Variants in GOLGA4 observed in about 807,000 individuals in gnomAD.
GOLGA4 encodes golgin subfamily A member 4.
In GOLGA4, 169 loss-of-function variants were observed where a neutral mutation model predicts 265.9. The ratio of observed to expected loss-of-function variants is 0.64; its 90% CI spans 0.56 to 0.72. GOLGA4 has a LOEUF of 0.72. Ranked by LOEUF, GOLGA4 falls within the 30% of genes least tolerant of loss-of-function variation. GOLGA4 has a pLI of 0.00. For missense variants in GOLGA4, 2,482 were observed against 2,483.4 expected, an observed-to-expected ratio of 1.00 and a Z score of 0.01; for synonymous variants, 923 against 855.8, an observed-to-expected ratio of 1.08 and a Z score of -1.37.
Position 37,324,545 on chromosome 3 carries a change from G to A in GOLGA4, c.2659G>A (p.Val887Ile), listed in dbSNP as rs1169990161. ...MEQKVKSLTQ[V>I]YESKLEDGNK... ...GCAAAAAGTAAAATCTTTAACCCAA[G>A]TCTATGAGTCCAAACTTGAAGATGG... is the stretch of plus-strand genomic sequence containing the variant. The change falls in exon 14 of 24, where the codon GTC becomes ATC. Residue 887 changes from valine (V) to isoleucine (I), a missense_variant. Coordinates refer to ENST00000361924, the MANE Select transcript of GOLGA4 (RefSeq NM_002078.5). The A allele has an allele frequency of 1.9e-6, 3 of 1,613,754 alleles. No individual in the cohort carries two copies. Among genetic ancestry groups the A allele is most frequent in the East Asian group, 4.5e-5 (2 of 44,890 alleles).
chr3:37,309,528 C>T (rs2096917359), intron 10 of GOLGA4, among the ~76,000 whole-genome samples: 1 of 152,254 alleles, frequency 6.6e-6, no homozygotes, highest in African/African-American at 2.4e-5. Context: ...GCACTCCAGC[C>T]TGGCTGACAG....
At chr3:37,356,520 A>G (rs868488510) in intron 22 of GOLGA4, among the ~76,000 whole-genome samples, 3 of 152,182 alleles carry the variant, frequency 2.0e-5, no homozygotes, top group Non-Finnish European at 1.5e-5. Context: ...CCTGAAAAGC[A>G]GTGCTTTAGT....
intron 5 of GOLGA4, among the ~76,000 whole-genome samples, chr3:37,290,934 A>G (rs1163295827): frequency 2.0e-5 from 3 of 152,172 alleles, no homozygotes; most frequent in Admixed American, 2.0e-4. Flanking sequence ...TTCTACCCAA[A>G]AGATTTTTCT....
chr3:37,302,117 G>A lies in GOLGA4; in HGVS notation c.1087-68G>A, dbSNP rs2096894606. 5 of 1,381,956 alleles carry A rather than the reference G, an allele frequency of 3.6e-6. No individual in the cohort carries two copies. The East Asian group carries it at 9.5e-5, about 26-fold the overall frequency. 85.6% of individuals were successfully genotyped at this position (1,381,956 alleles called of 1,614,324 possible). ...GGCCTTTTTCTGCCTTTTAAATTAA[G>A]TTTTATCTGTGCTGTTGATGATGCA... is the stretch of plus-strand genomic sequence containing the variant. On this transcript the variant is annotated intron_variant, in intron 9 of 23. Coordinates refer to ENST00000361924, the MANE Select transcript of GOLGA4 (RefSeq NM_002078.5).
At chr3:37,268,477 A>C (rs1400276496) in intron 2 of GOLGA4, among the ~76,000 whole-genome samples, 2 of 151,998 alleles carry the variant, frequency 1.3e-5, no homozygotes, top group African/African-American at 4.8e-5. Context: ...AGGTTCTCCT[A>C]GGGCCACTTC....
intron 4 of GOLGA4, among the ~76,000 whole-genome samples, chr3:37,288,103 ATT>A (rs1203747752): frequency 0.016 from 1,885 of 118,484 alleles, 12 homozygotes; most frequent in South Asian, 0.047. Context: ...TAGCTTCTTG[ATT>A]TTTTTTTTTT....
At chr3:37,333,792 T>C (rs772665929) in intron 16 of GOLGA4, among the ~76,000 whole-genome samples, 9 of 152,204 alleles carry the variant, frequency 5.9e-5, no homozygotes, top group South Asian at 2.1e-4. Flanking sequence ...GCTGTACTTA[T>C]GTTGAGAAAA....
At chr3:37,339,888 T>C (rs140613183) in intron 19 of GOLGA4, among the ~76,000 whole-genome samples, 140 of 151,996 alleles carry the variant, frequency 9.2e-4, no homozygotes, top group African/African-American at 3.3e-3. Context: ...TAGCAAAGTG[T>C]AATTTATGTA....
At position 37,324,690 on chromosome 3, in the gene GOLGA4, A is replaced by C; in HGVS notation, c.2804A>C (p.Glu935Ala). Residue 935 changes from glutamate (E) to alanine (A), a missense_variant, in exon 14 of 24, where the codon GAG (glutamate) becomes GCG (alanine). Transcript: ENST00000361924. ...CTCACACAGAAATTGTCAGCCAAGG[A>C]GGACAGTATTCATATTTTGAATGAG... ...EILTQKLSAK[E>A]DSIHILNEEY... The C allele has an allele frequency of 6.2e-7, 1 of 1,609,970 alleles. No homozygotes were observed. Among genetic ancestry groups the C allele is most frequent in the Non-Finnish European group, 8.5e-7 (1 of 1,178,718 alleles).
At chr3:37,251,586 T>A in intron 2 of GOLGA4, 102 bp downstream of exon 2, 2 of 690,488 alleles carry the variant, frequency 2.9e-6, no homozygotes, top group Non-Finnish European at 5.0e-6. Context: ...GTCAGCTATT[T>A]AATTCCTAGG....
chr3:37,364,936 C>T (rs1018082497), intron 23 of GOLGA4, among the ~76,000 whole-genome samples: 1 of 151,566 alleles, frequency 6.6e-6, no homozygotes, highest in African/African-American at 2.4e-5. Context: ...GTGTCACTGT[C>T]GCCAAGCCTG....
intron 18 of GOLGA4, 27 bp downstream of exon 18, chr3:37,337,190 TTTC>T: frequency 8.2e-7 from 1 of 1,212,948 alleles, no homozygotes; most frequent in Non-Finnish European, 1.2e-6. Flanking sequence ...TTTTTTTTTT[TTTC>T]TTTTTTTTCT....
At chr3:37,312,273 G>C (rs906537100) in intron 10 of GOLGA4, among the ~76,000 whole-genome samples, 2 of 152,200 alleles carry the variant, frequency 1.3e-5, no homozygotes, top group Non-Finnish European at 2.9e-5. Flanking sequence ...TAATTAGGCA[G>C]TAAGCACTTT....
chr3:37,366,034 T>C (rs1696726008), intron 23 of GOLGA4, 46 bp from the exon 24 acceptor site: 4 of 1,490,028 alleles, frequency 2.7e-6, no homozygotes, highest in Non-Finnish European at 3.6e-6. Context: ...ATGTTTTGGA[T>C]TTTTTTGCCC....
chr3:37,246,040 C>A lies in GOLGA4; in HGVS notation c.72+2418C>A, dbSNP rs1269346488. 2.4e-4 allele frequency among the ~76,000 whole-genome samples: 36 copies of A among 152,078 alleles called. 1 individual carries two copies. The highest frequency in any genetic ancestry group is 2.3e-3 in the Admixed American group (35 of 15,276). Reference sequence around the variant, plus strand: ...CTTGAACTCAGTAGTTCAAGACCAGCCTGGCCAAGATGGCAAAATCCCATT... The same window carrying A: ...CTTGAACTCAGTAGTTCAAGACCAGACTGGCCAAGATGGCAAAATCCCATT... On this transcript the variant is annotated intron_variant, in intron 1 of 23. Transcript: ENST00000361924.
Position 37,289,249 on chromosome 3 carries a change from G to A in GOLGA4, c.540G>A (p.Gln180=). 6.3e-7 allele frequency: 1 copy of A among 1,594,626 alleles called. No homozygotes were observed. The highest frequency in any genetic ancestry group is 1.7e-4 in the Middle Eastern group (1 of 6,024). ...CTCAATTAAAGGGTATATTAAGTCA[G>A]AGTCAGGATAAATCACTTCGGAGAA... ...EKKKLQGILS[Q]SQDKSLRRIA... The change falls in exon 5 of 24, where the codon CAG becomes CAA. Residue 180 remains glutamine, a synonymous_variant. Transcript: ENST00000361924.
intron 20 of GOLGA4, among the ~76,000 whole-genome samples, chr3:37,342,811 GT>G (rs2097041197): frequency 6.6e-6 from 1 of 152,194 alleles, no homozygotes; most frequent in African/African-American, 2.4e-5. Context: ...AAGCCAAAAT[GT>G]TTGCTATATT....
chr3:37,324,171 A>T lies in GOLGA4; in HGVS notation c.2285A>T (p.Glu762Val). Reference protein sequence around the residue: ...KALKDQINQLELLLKERDKHL... With the variant: ...KALKDQINQLVLLLKERDKHL... Reference sequence around the variant, plus strand: ...TTAAAAGATCAAATTAATCAACTTGAGCTTCTCTTGAAGGAAAGGGACAAG... The same window carrying T: ...TTAAAAGATCAAATTAATCAACTTGTGCTTCTCTTGAAGGAAAGGGACAAG... Residue 762 changes from glutamate to valine, a missense_variant, in exon 14 of 24, where the codon GAG (glutamate) becomes GTG (valine). This residue lies in a region of GOLGA4 where 1,536 missense variants were observed against 1,483.7 expected (regional missense o/e 1.04). Transcript: ENST00000361924. 6.2e-7 allele frequency: 1 copy of T among 1,614,114 alleles called. No homozygotes were observed. Among genetic ancestry groups the T allele is most frequent in the Non-Finnish European group, 8.5e-7 (1 of 1,179,982 alleles).
rs75617177 is a variant in GOLGA4, at chr3:37,365,349, A to G, written c.*34-731A>G. Among the ~76,000 whole-genome samples the G allele has an allele frequency of 7.1e-3, 1,082 of 152,046 alleles. 15 individuals carry two copies. Among genetic ancestry groups the G allele is most frequent in the African/African-American group, 0.024 (1,015 of 41,472 alleles). On this transcript the variant is annotated intron_variant, in intron 23 of 23. Coordinates refer to ENST00000361924, the MANE Select transcript of GOLGA4 (RefSeq NM_002078.5). ...GATGGCATGATCTCGGCTTACTGCA[A>G]CCTCCGCCTCCTGAGTTCAAGTGAT...
Sources: allele counts gnomAD v4.1 joint callset (sites outside exome capture counted in the v4.1 genomes callset), GRCh38; gene constraint gnomAD v4.1.1; regional missense constraint gnomAD v4.1.1; transcripts MANE v1.5; gene names NCBI Gene and HGNC (gene_info 2026-07-23, HGNC 2026-07-21).